The following DENND1A variants were observed in gnomAD, a reference collection of about 807,000 sequenced individuals.
DENND1A encodes the protein DENN domain-containing protein 1A.
A neutral mutation model predicts 113.7 loss-of-function variants in DENND1A; 51 were observed. The ratio of observed to expected loss-of-function variants is 0.45; its 90% CI spans 0.36 to 0.57. The LOEUF (loss-of-function observed/expected upper bound fraction) is 0.57. Among genes scored for constraint, DENND1A ranks in the 20% least tolerant of loss-of-function variants. The pLI is 0.00. For synonymous variants in DENND1A, 565 were observed against 570.8 expected, an observed-to-expected ratio of 0.99 and a Z score of 0.14; for missense variants, 1,258 against 1,395.9, an observed-to-expected ratio of 0.90 and a Z score of 1.57.
At chr9:123,432,594 A>G (rs2046218168) in intron 19 of DENND1A, among the ~76,000 whole-genome samples, 1 of 152,234 alleles carries the variant, frequency 6.6e-6, no homozygotes, top group Admixed American at 6.5e-5. Flanking sequence ...GACATGGATG[A>G]GAGGGGAAGA....
At chr9:123,688,578 G>A (rs1296115847) in intron 5 of DENND1A, among the ~76,000 whole-genome samples, 2 of 152,134 alleles carry the variant, frequency 1.3e-5, no homozygotes, top group African/African-American at 4.8e-5. Flanking sequence ...TGGTTGGGCC[G>A]CCCTGAAAAG....
At chr9:123,653,899 TA>T (rs113463548) in intron 8 of DENND1A, among the ~76,000 whole-genome samples, 163 of 137,528 alleles carry the variant, frequency 1.2e-3, no homozygotes, top group Middle Eastern at 3.5e-3. Context: ...AGATGAGAAA[TA>T]AAAAAAAAAA....
In DENND1A at chr9:123,479,176, A is replaced by G. The variant is rs553723865; in HGVS notation, c.994-21279T>C. On this transcript the variant is annotated intron_variant, in intron 13 of 23. Coordinates refer to ENST00000394215, the MANE Select transcript of DENND1A (RefSeq NM_001352964.2). ...AGCCAGGCAACTTGCCCAAGTCCTC[A>G]TGACAAGCAGTTGGGGCCAGGTTCA... 3.0e-4 allele frequency among the ~76,000 whole-genome samples: 45 copies of G among 152,328 alleles called. 1 individual carries two copies. The South Asian group carries it at 8.5e-3, about 29-fold the overall frequency.
At chr9:123,395,617 G>C (rs2043086207) in intron 21 of DENND1A, among the ~76,000 whole-genome samples, 1 of 152,110 alleles carries the variant, frequency 6.6e-6, no homozygotes, top group African/African-American at 2.4e-5. Context: ...AGCCTGCCAG[G>C]GGGTAGAGCC....
At chr9:123,902,720 G>A (rs569348994) in intron 1 of DENND1A, among the ~76,000 whole-genome samples, 4 of 145,464 alleles carry the variant, frequency 2.7e-5, no homozygotes, top group Non-Finnish European at 6.0e-5. Context: ...TCCTTAAATA[G>A]AACAGAGAAA....
intron 11 of DENND1A, among the ~76,000 whole-genome samples, chr9:123,607,890 G>A (rs768917782): frequency 2.2e-4 from 34 of 152,126 alleles, no homozygotes; most frequent in Admixed American, 1.8e-3. Flanking sequence ...AGAGGCAAGC[G>A]GGAGGGAACT....
chr9:123,774,844 C>T (rs1422079558), intron 3 of DENND1A, among the ~76,000 whole-genome samples: 1 of 152,070 alleles, frequency 6.6e-6, no homozygotes, highest in East Asian at 1.9e-4. Flanking sequence ...ACTCTATAAA[C>T]ATGTTTCATA....
At chr9:123,421,089 G>A (rs1001841607) in intron 19 of DENND1A, among the ~76,000 whole-genome samples, 23 of 144,848 alleles carry the variant, frequency 1.6e-4, no homozygotes, top group East Asian at 4.1e-4. Context: ...GGATGCTGTC[G>A]AGGGTGCCTG....
chr9:123,870,690 C>T (rs1188219211), intron 2 of DENND1A, among the ~76,000 whole-genome samples: 1 of 152,114 alleles, frequency 6.6e-6, no homozygotes, highest in Non-Finnish European at 1.5e-5. Context: ...CCACCTCAGC[C>T]TCCCAAAGTG....
At chr9:123,807,927 T>G (rs1835872839) in intron 2 of DENND1A, among the ~76,000 whole-genome samples, 1 of 152,104 alleles carries the variant, frequency 6.6e-6, no homozygotes, top group Non-Finnish European at 1.5e-5. Flanking sequence ...AGATTTAACT[T>G]TAAAACCTAT....
At chr9:123,399,492 C>G (rs1253939594) in intron 21 of DENND1A, among the ~76,000 whole-genome samples, 3 of 152,138 alleles carry the variant, frequency 2.0e-5, no homozygotes, top group Admixed American at 1.3e-4. Context: ...CTCAGCCTCC[C>G]GACTAGCTGG....
intron 1 of DENND1A, among the ~76,000 whole-genome samples, chr9:123,899,161 T>C (rs1181159054): frequency 6.6e-6 from 1 of 152,226 alleles, no homozygotes; most frequent in Non-Finnish European, 1.5e-5. Context: ...TGGCAGCCAA[T>C]AATTATTGAG....
chr9:123,775,756 C>T (rs1830383227), intron 3 of DENND1A, among the ~76,000 whole-genome samples: 1 of 152,170 alleles, frequency 6.6e-6, no homozygotes, highest in Non-Finnish European at 1.5e-5. Flanking sequence ...AGCTTTCCTG[C>T]CACCAGTCCT....
rs370100636 is a variant in DENND1A, at chr9:123,402,639, C to G, written c.1631+763G>C. On this transcript the variant is annotated intron_variant, in intron 21 of 23. Coordinates refer to ENST00000394215, the MANE Select transcript of DENND1A (RefSeq NM_001352964.2). ...GCATCACAGGAAGTCAGCGTGTAGCCGCTGAGTTGTCTGGATAGAGACTGA... is the reference window on the plus strand; with the variant it reads ...GCATCACAGGAAGTCAGCGTGTAGCGGCTGAGTTGTCTGGATAGAGACTGA... 9 of 534,266 alleles carry G rather than the reference C, an allele frequency of 1.7e-5. 1 individual carries two copies. The highest frequency in any genetic ancestry group is 1.3e-4 in the South Asian group (9 of 71,542). The allele number at this position is 534,266 out of a possible 1,614,324, so 33.1% of individuals were successfully genotyped here. A position where few individuals can be genotyped will look rare whatever the true frequency, so the allele number is the denominator to read the frequency against.
chr9:123,830,034 G>A (rs552820707), intron 2 of DENND1A, among the ~76,000 whole-genome samples: 70 of 152,186 alleles, frequency 4.6e-4, no homozygotes, highest in East Asian at 2.9e-3. Context: ...ATAACACAAA[G>A]GAGATGTCTT....
chr9:123,403,416 C>T lies in DENND1A; in HGVS notation c.1617G>A (p.Val539=). The T allele has an allele frequency of 1.2e-6, 2 of 1,614,152 alleles. No homozygotes were observed. Among genetic ancestry groups the T allele is most frequent in the Non-Finnish European group, 8.5e-7 (1 of 1,180,028 alleles). ...NIAVEGRRTS[V]PSPEHLVKPL... ...ACAATACTCACTGCTCAGGGCTCGG[C>T]ACAGACGTCCTCCGGCCTTCCACTG... The change falls in exon 21 of 24, where the codon GTG becomes GTA. Residue 539 remains valine (V), a synonymous_variant. Coordinates refer to ENST00000394215, the MANE Select transcript of DENND1A (RefSeq NM_001352964.2).
At chr9:123,616,563 A>T (rs2060658428) in intron 10 of DENND1A, among the ~76,000 whole-genome samples, 1 of 152,096 alleles carries the variant, frequency 6.6e-6, no homozygotes, top group Admixed American at 6.5e-5. Flanking sequence ...AAGAAATAGG[A>T]GCTAAGGGGA....
intron 11 of DENND1A, among the ~76,000 whole-genome samples, chr9:123,601,531 C>T (rs2059934098): frequency 6.6e-6 from 1 of 152,218 alleles, no homozygotes; most frequent in South Asian, 2.1e-4. Context: ...TAAGTGATGA[C>T]TGTGCATGAG....
chr9:123,503,196 C>A (rs753016473), intron 13 of DENND1A, among the ~76,000 whole-genome samples: 2 of 152,144 alleles, frequency 1.3e-5, no homozygotes, highest in Non-Finnish European at 2.9e-5. Flanking sequence ...AGGAGTTAGT[C>A]AGATGGATTT....
Sources: allele counts gnomAD v4.1 joint callset (sites outside exome capture counted in the v4.1 genomes callset), GRCh38; gene constraint gnomAD v4.1.1; transcripts MANE v1.5; gene names NCBI Gene and HGNC (gene_info 2026-07-23, HGNC 2026-07-21).